The following SLC2A13 variants were observed in gnomAD, a reference collection of about 807,000 sequenced individuals.
SLC2A13 encodes proton myo-inositol cotransporter.
SLC2A13 carries 32 observed loss-of-function variants against 64.4 expected under a neutral mutation model. The observed-to-expected ratio is 0.50, with a 90% CI of 0.37 to 0.67. SLC2A13 has a LOEUF of 0.67. Among genes scored for constraint, SLC2A13 ranks in the 30% least tolerant of loss-of-function variants. The pLI, the probability that SLC2A13 is intolerant of heterozygous loss-of-function variation, is 0.00. For synonymous variants in SLC2A13, 338 were observed against 327.1 expected (o/e 1.03, Z -0.36); for missense variants, 743 against 829.2 (o/e 0.90, Z 1.28).
At chr12:39,951,483 T>C in intron 3 of SLC2A13, 118 bp from the exon 4 acceptor site, 1 of 656,290 alleles carries the variant, frequency 1.5e-6, no homozygotes, top group Non-Finnish European at 2.4e-6. Context: ...CTGGGCATTT[T>C]AAATCAGAAC....
At chr12:39,917,939 T>C (rs1014679924) in intron 4 of SLC2A13, among the ~76,000 whole-genome samples, 8 of 152,050 alleles carry the variant, frequency 5.3e-5, no homozygotes, top group African/African-American at 1.9e-4. Flanking sequence ...CAGCTTCCCG[T>C]TTCTCAATTA....
At chr12:39,866,571 C>T (rs1039572889) in intron 5 of SLC2A13, among the ~76,000 whole-genome samples, 2 of 152,122 alleles carry the variant, frequency 1.3e-5, no homozygotes, top group African/African-American at 4.8e-5. Flanking sequence ...CTCCGCCCCC[C>T]GGGGTTCACG....
chr12:39,774,716 T>C (rs1334429200), intron 7 of SLC2A13, among the ~76,000 whole-genome samples: 1 of 152,042 alleles, frequency 6.6e-6, no homozygotes, highest in Non-Finnish European at 1.5e-5. Context: ...AATTAAATCA[T>C]AGATATGGGT....
At chr12:39,859,285 C>A (rs77852743) in intron 6 of SLC2A13, among the ~76,000 whole-genome samples, 3 of 117,284 alleles carry the variant, frequency 2.6e-5, no homozygotes, top group Admixed American at 9.3e-5. Context: ...AAACAAAAAC[C>A]AAAAAAAAAG....
Position 39,880,911 on chromosome 12 carries a change from A to G in SLC2A13, c.1035-8950T>C, listed in dbSNP as rs899223207. The stretch of plus-strand genomic sequence containing the variant: ...CACCAATTTGCCACATTGACCTATT[A>G]ATTCGTTCTATAAAATACATGCCCA... On this transcript the variant is annotated intron_variant, in intron 4 of 9. Transcript: ENST00000280871. Among the ~76,000 whole-genome samples, 5 of 152,300 alleles carry G rather than the reference A, an allele frequency of 3.3e-5. No homozygotes were observed. The East Asian group carries it at 9.6e-4, about 29-fold the overall frequency.
intron 4 of SLC2A13, among the ~76,000 whole-genome samples, chr12:39,914,030 T>C (rs919744873): frequency 6.6e-6 from 1 of 151,850 alleles, no homozygotes; most frequent in African/African-American, 2.4e-5. Flanking sequence ...TTTAAATTAG[T>C]AATAAAAAGG....
chr12:39,864,117 CATTT>C (rs1785716932), intron 6 of SLC2A13, among the ~76,000 whole-genome samples: 1 of 152,182 alleles, frequency 6.6e-6, no homozygotes, highest in South Asian at 2.1e-4. Flanking sequence ...CTCAAAGTTT[CATTT>C]ATGTGTTCTC....
At chr12:39,771,271 T>G (rs1940563302) in intron 7 of SLC2A13, among the ~76,000 whole-genome samples, 2 of 152,134 alleles carry the variant, frequency 1.3e-5, no homozygotes, top group South Asian at 4.1e-4. Flanking sequence ...ACCTTGGATT[T>G]GCTTCCGACC....
At chr12:39,995,662 T>C (rs1947215087) in intron 3 of SLC2A13, among the ~76,000 whole-genome samples, 1 of 152,248 alleles carries the variant, frequency 6.6e-6, no homozygotes, top group African/African-American at 2.4e-5. Context: ...CTTTGACATC[T>C]GATATGGTTT....
chr12:39,940,384 G>A (rs931971554), intron 4 of SLC2A13, among the ~76,000 whole-genome samples: 23 of 151,532 alleles, frequency 1.5e-4, no homozygotes, highest in African/African-American at 5.6e-4. Context: ...ATGTGTGCTT[G>A]TGCTATGTTT....
At chr12:39,903,666 G>A (rs930234148) in intron 4 of SLC2A13, among the ~76,000 whole-genome samples, 1 of 152,006 alleles carries the variant, frequency 6.6e-6, no homozygotes, top group Admixed American at 6.6e-5. Flanking sequence ...GGCATCTTCT[G>A]ATAACAAGGA....
At chr12:39,984,488 C>T (rs1591979827) in intron 3 of SLC2A13, among the ~76,000 whole-genome samples, 1 of 151,742 alleles carries the variant, frequency 6.6e-6, no homozygotes, top group East Asian at 1.9e-4. Flanking sequence ...GTGTAAATTC[C>T]TGGTACCAAA....
At chr12:39,995,856 T>C (rs1476059415) in intron 3 of SLC2A13, among the ~76,000 whole-genome samples, 2 of 152,222 alleles carry the variant, frequency 1.3e-5, no homozygotes, top group Admixed American at 6.5e-5. Flanking sequence ...GCTCTTTGCC[T>C]GCTACCATCC....
chr12:39,904,289 T>G (rs1356272273), intron 4 of SLC2A13, among the ~76,000 whole-genome samples: 1 of 152,112 alleles, frequency 6.6e-6, no homozygotes, highest in African/African-American at 2.4e-5. Flanking sequence ...TGTAGCCAAA[T>G]GGAAGGCAGA....
chr12:40,046,988 G>A (rs934716632), intron 2 of SLC2A13, among the ~76,000 whole-genome samples: 2 of 151,076 alleles, frequency 1.3e-5, no homozygotes, highest in Non-Finnish European at 2.9e-5. Context: ...TGCAACCTCC[G>A]CCTTCAGGGT....
chr12:39,949,668 T>C (rs1427682144), intron 4 of SLC2A13: 1 of 152,156 alleles, frequency 6.6e-6, no homozygotes, highest in Non-Finnish European at 1.5e-5. Context: ...ACAAAAAAAG[T>C]ACAAGAAAAA....
In SLC2A13 at chr12:39,789,267, T is replaced by A. The variant is rs550924392; in HGVS notation, c.1446-24409A>T. ...ACGCATGTACTCCTAAAAATACATA[T>A]CACTTGGTTGTGCCTGTTTTTGAAC... On this transcript the variant is annotated intron_variant, in intron 7 of 9. Coordinates refer to ENST00000280871, the MANE Select transcript of SLC2A13 (RefSeq NM_052885.4). Among the ~76,000 whole-genome samples the A allele has an allele frequency of 2.6e-5, 4 of 151,944 alleles. No homozygotes were observed. In the South Asian group the frequency reaches 8.3e-4, roughly 31 times the overall value.
At chr12:39,781,515 T>C (rs1940983132) in intron 7 of SLC2A13, among the ~76,000 whole-genome samples, 1 of 152,246 alleles carries the variant, frequency 6.6e-6, no homozygotes, top group Non-Finnish European at 1.5e-5. Context: ...AATGAAGGAA[T>C]CATTTTCACC....
At position 40,105,327 on chromosome 12, in the gene SLC2A13, C is replaced by G; in HGVS notation, c.482G>C (p.Gly161Ala). The change falls in exon 1 of 10, where the codon GGC becomes GCC. Residue 161 changes from glycine (G) to alanine (A), a missense_variant. Physicochemically the swap from Gly to Ala is moderately conservative, Grantham distance 60. Transcript: ENST00000280871. The surrounding 1 kb of genome is among the most constrained non-coding windows in gnomAD (Gnocchi z 4.2). Reference sequence around the variant, plus strand: ...GTTGGCCGCAGCCAGCACCGCGGAGCCGGCGGTGAAGAGGGCACTGGCCAG... The same window carrying G: ...GTTGGCCGCAGCCAGCACCGCGGAGGCGGCGGTGAAGAGGGCACTGGCCAG... ...ILLASALFTA[G>A]SAVLAAANNK... 1 of 1,598,740 alleles carries G rather than the reference C, an allele frequency of 6.3e-7. No homozygotes were observed. Among genetic ancestry groups the G allele is most frequent in the South Asian group, 1.1e-5 (1 of 89,200 alleles).
Sources: gnomAD v4.1 joint callset for allele counts (sites outside exome capture counted in the v4.1 genomes callset) on GRCh38, gnomAD v4.1.1 for gene constraint, Gnocchi (gnomAD v3.1) non-coding constraint, MANE v1.5 for transcripts, NCBI Gene and HGNC (gene_info 2026-07-23, HGNC 2026-07-21) for gene names.